Variants in FBN2 observed in about 807,000 individuals in gnomAD.
FBN2 encodes fibrillin 2, also known as fibrillin-2.
In FBN2, 105 loss-of-function variants were observed where a neutral mutation model predicts 355.6. That is an observed-to-expected ratio of 0.30 (90% CI 0.25 to 0.35). The LOEUF (loss-of-function observed/expected upper bound fraction) is 0.35. Ranked by LOEUF, FBN2 falls within the 10% of genes least tolerant of loss-of-function variation. FBN2 has a pLI of 1.00. For missense variants in FBN2, 3,280 were observed against 3,758.7 expected (o/e 0.87, Z 3.33); for synonymous variants, 1,350 against 1,301.2 (o/e 1.04, Z -0.81).
At chr5:128,414,953 C>T (rs1753158047) in intron 7 of FBN2, among the ~76,000 whole-genome samples, 1 of 152,040 alleles carries the variant, frequency 6.6e-6, no homozygotes, top group South Asian at 2.1e-4. Flanking sequence ...AATTCCTTTG[C>T]CCAGTTTTTA....
chr5:128,309,417 A>G lies in FBN2; in HGVS notation c.5201-18T>C, dbSNP rs766958878. 6.2e-7 allele frequency: 1 copy of G among 1,611,860 alleles called. No individual in the cohort carries two copies. The highest frequency in any genetic ancestry group is 2.2e-5 in the East Asian group (1 of 44,866). ...TCTCATGTCTATATAAAGAAAAACA[A>G]AGAAACTAGCCATTTGTATCCACGA... On this transcript the variant is annotated intron_variant, in intron 40 of 64. Transcript: ENST00000262464.
At chr5:128,532,414 C>T (rs370410224) in intron 2 of FBN2, among the ~76,000 whole-genome samples, 1 of 152,132 alleles carries the variant, frequency 6.6e-6, no homozygotes, top group Non-Finnish European at 1.5e-5. Context: ...TAGCCAAGTA[C>T]CTTCGAATGG....
intron 54 of FBN2, 43 bp from the exon 55 acceptor site, chr5:128,286,892 G>A: frequency 6.3e-7 from 1 of 1,589,822 alleles, no homozygotes; most frequent in Non-Finnish European, 8.6e-7. Context: ...GGAGCAAGCT[G>A]TAGTTTAGTA....
At position 128,530,743 on chromosome 5, in the gene FBN2, T is replaced by C. The variant is rs367576220; in HGVS notation, c.338-50A>G. The C allele has an allele frequency of 1.4e-5, 17 of 1,185,212 alleles. No individual in the cohort carries two copies. In the Admixed American group the frequency reaches 1.7e-4, roughly 12 times the overall value. The allele number at this position is 1,185,212 out of a possible 1,614,324, so 73.4% of individuals were successfully genotyped here. On this transcript the variant is annotated intron_variant, in intron 2 of 64. Coordinates refer to ENST00000262464, the MANE Select transcript of FBN2 (RefSeq NM_001999.4). ...GAATGAATAACTATATAATAAACCA[T>C]AGTTTACAAAACAAGAAAGCTGTAT...
chr5:128,302,969 T>G lies in FBN2; in HGVS notation c.5917+4A>C. 1 of 1,417,164 alleles carries G rather than the reference T, an allele frequency of 7.1e-7. No individual in the cohort carries two copies. The highest frequency in any genetic ancestry group is 1.0e-6 in the Non-Finnish European group (1 of 1,000,112). The allele number at this position is 1,417,164 out of a possible 1,614,324, so 87.8% of individuals were successfully genotyped here. On this transcript the variant is annotated splice_donor_region_variant and intron_variant, in intron 46 of 64. Transcript: ENST00000262464. ...AGCAATAAAGGACTGAATGAAGTAC[T>G]TACCCAGGCAATCATTATTATGAGT... is the stretch of plus-strand genomic sequence containing the variant.
At chr5:128,364,810 C>T (rs1429970346) in intron 17 of FBN2, 85 bp from the exon 18 acceptor site, 2 of 1,169,732 alleles carry the variant, frequency 1.7e-6, no homozygotes, top group Non-Finnish European at 2.5e-6. Flanking sequence ...GACCATTCAA[C>T]ATATGAAGTG....
chr5:128,373,904 C>A (rs1319699049), intron 15 of FBN2, among the ~76,000 whole-genome samples: 1 of 152,110 alleles, frequency 6.6e-6, no homozygotes, highest in Non-Finnish European at 1.5e-5. Flanking sequence ...CTTGCTTCTG[C>A]AGCTAGTTGC....
intron 7 of FBN2, among the ~76,000 whole-genome samples, chr5:128,428,107 T>G (rs1036919508): frequency 2.6e-5 from 4 of 152,094 alleles, no homozygotes; most frequent in Non-Finnish European, 4.4e-5. Flanking sequence ...TTCAACCACT[T>G]CTCATCACTT....
chr5:128,453,561 T>G (rs567307304), intron 6 of FBN2, among the ~76,000 whole-genome samples: 32 of 152,362 alleles, frequency 2.1e-4, no homozygotes, highest in Non-Finnish European at 4.3e-4. Flanking sequence ...GAGAAGTATA[T>G]AAACTTTGCA....
chr5:128,275,549 C>T (rs1765372484), intron 59 of FBN2, among the ~76,000 whole-genome samples: 1 of 151,596 alleles, frequency 6.6e-6, no homozygotes, highest in Non-Finnish European at 1.5e-5. Context: ...ATGAGGCTTA[C>T]TATAAAATCA....
intron 5 of FBN2, among the ~76,000 whole-genome samples, chr5:128,480,190 A>G (rs976839493): frequency 6.8e-6 from 1 of 146,646 alleles, no homozygotes; most frequent in Non-Finnish European, 1.5e-5. Flanking sequence ...TATTTTATAT[A>G]TATAATAATG....
intron 31 of FBN2, among the ~76,000 whole-genome samples, chr5:128,334,290 C>A (rs764993749): frequency 2.0e-5 from 3 of 151,774 alleles, no homozygotes; most frequent in Non-Finnish European, 2.9e-5. Flanking sequence ...GAAAGAGTCT[C>A]AATGAAACTT....
At chr5:128,441,960 A>G (rs1419551729) in intron 7 of FBN2, 1 of 152,406 alleles carries the variant, frequency 6.6e-6, no homozygotes, top group African/African-American at 2.4e-5. Context: ...TTATTTTAAA[A>G]TTAATATACT....
At chr5:128,483,701 T>C (rs867650026) in intron 5 of FBN2, among the ~76,000 whole-genome samples, 1 of 152,100 alleles carries the variant, frequency 6.6e-6, no homozygotes, top group Non-Finnish European at 1.5e-5. Flanking sequence ...ATTTCAAGTA[T>C]TGAAAATGAG....
intron 56 of FBN2, among the ~76,000 whole-genome samples, chr5:128,279,289 G>A (rs1581183747): frequency 6.6e-6 from 1 of 151,898 alleles, no homozygotes; most frequent in East Asian, 1.9e-4. Context: ...TCAAACACTT[G>A]GACTGAGTAG....
At chr5:128,529,589 G>A (rs1436469387) in intron 3 of FBN2, among the ~76,000 whole-genome samples, 3 of 152,138 alleles carry the variant, frequency 2.0e-5, no homozygotes, top group East Asian at 3.9e-4. Context: ...CAGCTCCCAG[G>A]TAGAGGAATT....
Position 128,537,982 on chromosome 5 carries a change from A to C in FBN2, c.-379T>G. The stretch of plus-strand genomic sequence containing the variant: ...CAAAAAATGTGAACCTCAAAAGAAA[A>C]AAGGGCCTGCACGCAGAGCTCGGCG... On this transcript the variant is annotated 5_prime_UTR_variant, in exon 1 of 65. Transcript: ENST00000262464. The C allele has an allele frequency of 3.7e-6, 1 of 273,952 alleles. No individual in the cohort carries two copies. 17.0% of individuals were successfully genotyped at this position (273,952 alleles called of 1,614,324 possible).
intron 7 of FBN2, among the ~76,000 whole-genome samples, chr5:128,425,194 T>G (rs903181918): frequency 2.0e-5 from 3 of 152,164 alleles, no homozygotes; most frequent in Non-Finnish European, 4.4e-5. Context: ...TTTAAAATAC[T>G]GAAGACTTAA....
intron 32 of FBN2, 120 bp from the exon 33 acceptor site, chr5:128,330,815 G>T (rs1337036919): frequency 1.8e-6 from 2 of 1,133,890 alleles, no homozygotes; most frequent in Non-Finnish European, 2.6e-6. Context: ...TAGTTTGCAG[G>T]ATCACAGTTC....
Sources: allele counts gnomAD v4.1 joint callset (sites outside exome capture counted in the v4.1 genomes callset), GRCh38; gene constraint gnomAD v4.1.1; transcripts MANE v1.5; gene names NCBI Gene and HGNC (gene_info 2026-07-23, HGNC 2026-07-21).